RELN: variants seen among roughly 807,000 people sequenced by gnomAD.
RELN encodes reelin.
In RELN, 108 loss-of-function variants were observed where a neutral mutation model predicts 427.6. The ratio of observed to expected loss-of-function variants is 0.25; its 90% CI spans 0.22 to 0.30. The LOEUF (loss-of-function observed/expected upper bound fraction) is 0.30, where lower values mean the gene tolerates loss of function less well. RELN is among the 10% of genes least tolerant of loss of function. RELN has a pLI of 1.00. For synonymous variants in RELN, 1,524 were observed against 1,513.4 expected (o/e 1.01, Z -0.16); for missense variants, 3,715 against 4,302.8 (o/e 0.86, Z 3.82).
At chr7:103,730,678 C>A (rs150613315) in intron 6 of RELN, among the ~76,000 whole-genome samples, 1 of 152,242 alleles carries the variant, frequency 6.6e-6, no homozygotes, top group East Asian at 1.9e-4. Flanking sequence ...ATATTACCCA[C>A]TGTGTGGTTG....
At chr7:103,854,190 G>A (rs1001397760) in intron 2 of RELN, among the ~76,000 whole-genome samples, 3 of 152,034 alleles carry the variant, frequency 2.0e-5, no homozygotes, top group East Asian at 1.9e-4. Flanking sequence ...TGCTTTTATC[G>A]ATTCATCTGT....
chr7:103,918,398 C>T (rs139426338), intron 1 of RELN, among the ~76,000 whole-genome samples: 457 of 152,192 alleles, frequency 3.0e-3, no homozygotes, highest in African/African-American at 0.01. Context: ...TTCCAGCATA[C>T]AAAAGAAGAA....
chr7:103,641,009 A>G (rs2117363163), intron 16 of RELN, among the ~76,000 whole-genome samples: 1 of 152,168 alleles, frequency 6.6e-6, no homozygotes, highest in East Asian at 1.9e-4. Context: ...TTTCATTTCT[A>G]TCAGGGGAAA....
At chr7:103,490,163 A>G (rs867024092) in intron 59 of RELN, among the ~76,000 whole-genome samples, 31 of 152,250 alleles carry the variant, frequency 2.0e-4, no homozygotes, top group Middle Eastern at 3.4e-3. Flanking sequence ...ATCTGTGTAC[A>G]TTTTTCCTAC....
At chr7:103,483,453 C>G (rs1362165077) in intron 62 of RELN, among the ~76,000 whole-genome samples, 200 bp downstream of exon 62, 5 of 152,222 alleles carry the variant, frequency 3.3e-5, no homozygotes, top group African/African-American at 1.2e-4. Flanking sequence ...TTATTCCTTG[C>G]TTTAATTTGT....
chr7:103,646,114 G>T (rs886169619), intron 16 of RELN, among the ~76,000 whole-genome samples: 1 of 151,620 alleles, frequency 6.6e-6, no homozygotes, highest in Non-Finnish European at 1.5e-5. Flanking sequence ...AAACTTCTAA[G>T]ATATAGCAAA....
At chr7:103,964,970 G>A (rs1424703869) in intron 1 of RELN, among the ~76,000 whole-genome samples, 1 of 152,152 alleles carries the variant, frequency 6.6e-6, no homozygotes, top group African/African-American at 2.4e-5. Flanking sequence ...CTAAAATAAG[G>A]ATAATAATGC....
At chr7:103,687,041 C>T (rs1584407379) in intron 10 of RELN, among the ~76,000 whole-genome samples, 2 of 152,068 alleles carry the variant, frequency 1.3e-5, no homozygotes, top group African/African-American at 4.8e-5. Context: ...TGTTTTTTTT[C>T]TCATTAATTT....
chr7:103,495,137 G>GT (rs1828798403), intron 57 of RELN, among the ~76,000 whole-genome samples: 1 of 148,990 alleles, frequency 6.7e-6, no homozygotes, highest in Non-Finnish European at 1.5e-5. Flanking sequence ...AGTAATTGCG[G>GT]TTTTTGCCAT....
chr7:103,725,891 A>G (rs1055166737), intron 7 of RELN, among the ~76,000 whole-genome samples: 1 of 152,220 alleles, frequency 6.6e-6, no homozygotes, highest in Non-Finnish European at 1.5e-5. Context: ...ATGGCTATTT[A>G]ACTACATTCA....
intron 2 of RELN, among the ~76,000 whole-genome samples, chr7:103,867,675 G>T (rs1794231759): frequency 6.6e-6 from 1 of 151,850 alleles, no homozygotes; most frequent in Admixed American, 6.6e-5. Context: ...AAAAATCTTG[G>T]TGTTGTTCCT....
intron 22 of RELN, 151 bp downstream of exon 22, chr7:103,610,544 T>A: frequency 1.5e-6 from 1 of 654,472 alleles, no homozygotes; most frequent in Non-Finnish European, 2.8e-6. Context: ...GGTTTTGGTC[T>A]TTTGATAATA....
At chr7:103,715,085 C>G (rs1789904792) in intron 8 of RELN, among the ~76,000 whole-genome samples, 1 of 152,076 alleles carries the variant, frequency 6.6e-6, no homozygotes, top group Non-Finnish European at 1.5e-5. Context: ...TATGTCTATA[C>G]CTCTGTTTTG....
In RELN at chr7:103,863,412, G is replaced by A. The variant is rs370466883; in HGVS notation, c.338-29740C>T. Among the ~76,000 whole-genome samples, 30 of 152,246 alleles carry A rather than the reference G, an allele frequency of 2.0e-4. No homozygotes were observed. In the East Asian group the frequency reaches 5.6e-3, roughly 28 times the overall value. ...CAGAAACATGAAGTGATTTGTCCAA[G>A]GACACAGAGGTCATTAGTGAGAGAG... On this transcript the variant is annotated intron_variant, in intron 2 of 64. Transcript: ENST00000428762.
At chr7:103,613,787 G>A (rs1584345308) in intron 20 of RELN, among the ~76,000 whole-genome samples, 1 of 152,198 alleles carries the variant, frequency 6.6e-6, no homozygotes, top group South Asian at 2.1e-4. Flanking sequence ...GTCTGCAAAT[G>A]ACAGAGCCAA....
At chr7:103,763,273 G>T (rs1183391441) in intron 4 of RELN, among the ~76,000 whole-genome samples, 1 of 152,168 alleles carries the variant, frequency 6.6e-6, no homozygotes, top group African/African-American at 2.4e-5. Context: ...GGCAATTAAA[G>T]AAATAAGAGT....
At chr7:103,524,107 CAA>C (rs777691745) in intron 46 of RELN, among the ~76,000 whole-genome samples, 64 of 152,248 alleles carry the variant, frequency 4.2e-4, no homozygotes, top group Non-Finnish European at 7.6e-4. Context: ...CAGTCAGAAA[CAA>C]AAACGAATCC....
Position 103,844,666 on chromosome 7 carries a change from A to G in RELN, c.338-10994T>C, listed in dbSNP as rs79341675. On this transcript the variant is annotated intron_variant, in intron 2 of 64. Transcript: ENST00000428762. ...GTGTGATCTTGAACAAGTTACTTAA[A>G]CTCTCTAAGTCCCAGGATCATTATT... Among the ~76,000 whole-genome samples the G allele has an allele frequency of 3.7e-3, 567 of 152,270 alleles. 19 individuals carry two copies. In the East Asian group the frequency reaches 0.061, roughly 17 times the overall value.
intron 20 of RELN, among the ~76,000 whole-genome samples, chr7:103,629,588 C>T (rs565322814): frequency 4.0e-5 from 6 of 151,294 alleles, no homozygotes; most frequent in South Asian, 2.1e-4. Flanking sequence ...CCTCTGAGGG[C>T]GAATATGGTC....
Sources: allele counts gnomAD v4.1 joint callset (sites outside exome capture counted in the v4.1 genomes callset), GRCh38; gene constraint gnomAD v4.1.1; transcripts MANE v1.5; gene names NCBI Gene and HGNC (gene_info 2026-07-23, HGNC 2026-07-21).